TRHDE: variants seen among roughly 807,000 people sequenced by gnomAD.
TRHDE encodes the protein thyrotropin releasing hormone degrading enzyme, also known as thyrotropin-releasing hormone-degrading ectoenzyme.
TRHDE carries 72 observed loss-of-function variants against 125.7 expected under a neutral mutation model. That is an observed-to-expected ratio of 0.57 (90% CI 0.47 to 0.70). TRHDE has a LOEUF of 0.70. Ranked by LOEUF, TRHDE falls within the 30% of genes least tolerant of loss-of-function variation. The probability of loss-of-function intolerance (pLI) is 0.00; values close to 1 mark genes in which losing one functional copy is unlikely to be tolerated. For missense variants in TRHDE, 1,110 were observed against 1,327.1 expected (o/e 0.84, Z 2.54); for synonymous variants, 509 against 509.1 (o/e 1.00, Z 0.00).
At chr12:72,637,440 CT>C (rs1315001055) in intron 15 of TRHDE, among the ~76,000 whole-genome samples, 6 of 151,750 alleles carry the variant, frequency 4.0e-5, no homozygotes, top group African/African-American at 1.5e-4. Context: ...TTTGTTGATC[CT>C]TTCAAAAAAC....
intron 2 of TRHDE, among the ~76,000 whole-genome samples, chr12:72,187,448 GT>G (rs1877245057): frequency 6.9e-6 from 1 of 145,926 alleles, no homozygotes; most frequent in Non-Finnish European, 1.5e-5. Context: ...GGTGGGGGGG[GT>G]GGTGGTGGTG....
intron 2 of TRHDE, among the ~76,000 whole-genome samples, chr12:72,161,619 T>A (rs1160779841): frequency 1.1e-4 from 16 of 152,190 alleles, no homozygotes; most frequent in Admixed American, 1.0e-3. Flanking sequence ...GAGCTTTTTT[T>A]TCTGGGTTAT....
In TRHDE at chr12:72,149,936, A is replaced by T. The variant is rs150301110; in HGVS notation, n.279+44184A>T. 6.2e-4 allele frequency among the ~76,000 whole-genome samples: 95 copies of T among 152,278 alleles called. 3 individuals are homozygous for T. In the East Asian group the frequency reaches 0.012, roughly 20 times the overall value. Reference sequence around the variant, plus strand: ...AAGTACTTTGATTCTTCATTAATGGATTTTAAATTATTTCCAGTTTTGAGC... The same window carrying T: ...AAGTACTTTGATTCTTCATTAATGGTTTTTAAATTATTTCCAGTTTTGAGC... On this transcript the variant is annotated intron_variant and non_coding_transcript_variant, in intron 2 of 4. Transcript: ENST00000548156.
intron 6 of TRHDE, among the ~76,000 whole-genome samples, chr12:72,513,211 T>C (rs1042762662): frequency 3.3e-5 from 5 of 152,162 alleles, no homozygotes; most frequent in Non-Finnish European, 7.4e-5. Flanking sequence ...ATAAAAATTG[T>C]ATTTTTGAAA....
intron 2 of TRHDE, among the ~76,000 whole-genome samples, chr12:72,129,318 A>G (rs1361975631): frequency 6.6e-6 from 1 of 152,246 alleles, no homozygotes; most frequent in Non-Finnish European, 1.5e-5. Flanking sequence ...GATATACAAA[A>G]AGAAACAAAG....
chr12:72,228,065 C>T (rs936499832), intron 2 of TRHDE, among the ~76,000 whole-genome samples: 2 of 152,298 alleles, frequency 1.3e-5, no homozygotes, highest in East Asian at 3.9e-4. Context: ...GTGGATCTAC[C>T]ATTCTGGTGT....
At chr12:72,145,177 A>G (rs970433269) in intron 2 of TRHDE, among the ~76,000 whole-genome samples, 6 of 152,060 alleles carry the variant, frequency 3.9e-5, no homozygotes, top group Non-Finnish European at 8.8e-5. Flanking sequence ...GTTCTTACTG[A>G]GATTTATTGT....
chr12:72,550,513 C>T (rs1869625951), intron 7 of TRHDE, among the ~76,000 whole-genome samples: 1 of 151,748 alleles, frequency 6.6e-6, no homozygotes, highest in African/African-American at 2.4e-5. Context: ...ACAAAAAATT[C>T]CTCCTAATTT....
intron 2 of TRHDE, among the ~76,000 whole-genome samples, chr12:72,131,883 C>T (rs1413735540): frequency 6.6e-6 from 1 of 152,144 alleles, no homozygotes; most frequent in Non-Finnish European, 1.5e-5. Flanking sequence ...AGCATGTTCC[C>T]CCTACAAGGA....
intron 2 of TRHDE, among the ~76,000 whole-genome samples, chr12:72,169,858 G>A (rs1451409041): frequency 1.3e-5 from 2 of 152,058 alleles, no homozygotes; most frequent in Admixed American, 6.6e-5. Flanking sequence ...AATTTTAGGG[G>A]ACACAGTTCA....
At chr12:72,352,453 C>T (rs1455740478) in intron 2 of TRHDE, among the ~76,000 whole-genome samples, 1 of 151,680 alleles carries the variant, frequency 6.6e-6, no homozygotes, top group Admixed American at 6.6e-5. Context: ...AATGGTGGTG[C>T]CTGGCTGTGA....
chr12:72,124,850 A>G (rs1248812164), intron 2 of TRHDE, among the ~76,000 whole-genome samples: 2 of 152,180 alleles, frequency 1.3e-5, no homozygotes, highest in Non-Finnish European at 2.9e-5. Flanking sequence ...AATTCTTGCA[A>G]CATAACAAGA....
intron 2 of TRHDE, among the ~76,000 whole-genome samples, chr12:72,291,436 C>T (rs1445230382): frequency 6.6e-6 from 1 of 152,164 alleles, no homozygotes; most frequent in African/African-American, 2.4e-5. Flanking sequence ...GGCATTTGGC[C>T]CCACCCTTTG....
chr12:72,509,270 G>GCC (rs755224514), intron 6 of TRHDE, among the ~76,000 whole-genome samples: 9 of 148,106 alleles, frequency 6.1e-5, no homozygotes, highest in African/African-American at 1.5e-4. Flanking sequence ...AATAACCACC[G>GCC]CACCCCCCCG....
At chr12:72,622,413 C>T (rs1028612854) in intron 15 of TRHDE, among the ~76,000 whole-genome samples, 1 of 151,812 alleles carries the variant, frequency 6.6e-6, no homozygotes. Context: ...GTATTTTAAG[C>T]CTTCTTAAGG....
intron 2 of TRHDE, among the ~76,000 whole-genome samples, chr12:72,357,195 A>G (rs992746726): frequency 6.6e-6 from 1 of 151,578 alleles, no homozygotes; most frequent in Non-Finnish European, 1.5e-5. Flanking sequence ...TTTAAAATTC[A>G]TTTGGAACCA....
chr12:72,242,537 G>A (rs1878502591), intron 2 of TRHDE, among the ~76,000 whole-genome samples: 1 of 152,054 alleles, frequency 6.6e-6, no homozygotes, highest in Non-Finnish European at 1.5e-5. Context: ...GTGCTGTAGG[G>A]TGCTGCTGCC....
At position 72,633,804 on chromosome 12, in the gene TRHDE, T is replaced by A. The variant is rs558077585; in HGVS notation, c.2675+12053T>A. Reference sequence around the variant, plus strand: ...TAGGTGGGATTATAAAAGTGTATTTTATTATAATGCTTTAAACTTGAGACA... The same window carrying A: ...TAGGTGGGATTATAAAAGTGTATTTAATTATAATGCTTTAAACTTGAGACA... On this transcript the variant is annotated intron_variant, in intron 15 of 18. Coordinates refer to ENST00000261180, the MANE Select transcript of TRHDE (RefSeq NM_013381.3). Among the ~76,000 whole-genome samples the A allele has an allele frequency of 7.9e-5, 12 of 152,258 alleles. No individual in the cohort carries two copies. In the South Asian group the frequency reaches 2.5e-3, roughly 32 times the overall value.
At chr12:72,288,473 T>C (rs1332110644) in intron 2 of TRHDE, among the ~76,000 whole-genome samples, 1 of 152,172 alleles carries the variant, frequency 6.6e-6, no homozygotes, top group Non-Finnish European at 1.5e-5. Context: ...CATTTTACTC[T>C]TTTGGATTTA....
Sources: gnomAD v4.1 joint callset for allele counts (sites outside exome capture counted in the v4.1 genomes callset) on GRCh38, gnomAD v4.1.1 for gene constraint, MANE v1.5 for transcripts, NCBI Gene and HGNC (gene_info 2026-07-23, HGNC 2026-07-21) for gene names.